Variants in LPP observed in about 807,000 individuals in gnomAD.
LPP encodes lipoma-preferred partner.
In LPP, 38 loss-of-function variants were observed where a neutral mutation model predicts 60.4. The ratio of observed to expected loss-of-function variants is 0.63; its 90% CI spans 0.49 to 0.83. The LOEUF is 0.83. LPP is among the 40% of genes least tolerant of loss of function. LPP has a pLI of 0.00. For missense variants in LPP, 902 were observed against 783.6 expected (o/e 1.15, Z -1.80); for synonymous variants, 328 against 290.8 (o/e 1.13, Z -1.30).
chr3:188,186,549 G>A (rs1022672351), intron 1 of LPP, among the ~76,000 whole-genome samples: 1 of 151,500 alleles, frequency 6.6e-6, no homozygotes, highest in African/African-American at 2.4e-5. Flanking sequence ...TCCTGCTGTT[G>A]GCAGTTAATC....
rs60252200 is a variant in LPP at position 188,650,367 on chromosome 3, C to G, written c.1113+40523C>G. Among the ~76,000 whole-genome samples the G allele has an allele frequency of 9.7e-3, 1,472 of 152,248 alleles. 27 individuals are homozygous for G. Among genetic ancestry groups the G allele is most frequent in the African/African-American group, 0.034 (1,398 of 41,536 alleles). ...ATCCCCTGTACTCATCATTTATTCC[C>G]TGATTTACTGCGTTTTATTCTGTAT... On this transcript the variant is annotated intron_variant, in intron 7 of 11. Coordinates refer to ENST00000617246, the MANE Select transcript of LPP (RefSeq NM_001375462.1).
At chr3:188,215,563 G>T (rs1033905932) in intron 1 of LPP, among the ~76,000 whole-genome samples, 1 of 152,142 alleles carries the variant, frequency 6.6e-6, no homozygotes, top group Non-Finnish European at 1.5e-5. Flanking sequence ...ATTTCACTAA[G>T]CGTAGTGTCC....
At chr3:188,238,075 C>G (rs371010374) in intron 2 of LPP, among the ~76,000 whole-genome samples, 1 of 152,252 alleles carries the variant, frequency 6.6e-6, no homozygotes, top group African/African-American at 2.4e-5. Flanking sequence ...TCCATCAGCA[C>G]TTACTGCTTT....
At chr3:188,428,625 A>G (rs1313020072) in intron 4 of LPP, among the ~76,000 whole-genome samples, 2 of 147,328 alleles carry the variant, frequency 1.4e-5, no homozygotes, top group African/African-American at 5.0e-5. Context: ...ATCCATTTTT[A>G]GAACTGCTAA....
intron 5 of LPP, among the ~76,000 whole-genome samples, chr3:188,523,204 T>C (rs766234664): frequency 1.3e-5 from 2 of 151,866 alleles, no homozygotes; most frequent in Non-Finnish European, 2.9e-5. Flanking sequence ...ACCGCGCCCG[T>C]CCTGAAATCC....
At chr3:188,801,128 A>G (rs1560222231) in intron 9 of LPP, among the ~76,000 whole-genome samples, 1 of 152,118 alleles carries the variant, frequency 6.6e-6, no homozygotes, top group Non-Finnish European at 1.5e-5. Context: ...CTTGAGATTA[A>G]ACAAAGGTTC....
At chr3:188,345,529 T>A (rs894551550) in intron 3 of LPP, among the ~76,000 whole-genome samples, 1 of 152,160 alleles carries the variant, frequency 6.6e-6, no homozygotes, top group South Asian at 2.1e-4. Flanking sequence ...GATGAGGGAT[T>A]TATAAGCAAG....
intron 7 of LPP, among the ~76,000 whole-genome samples, chr3:188,704,770 T>C (rs1865149710): frequency 1.3e-5 from 2 of 151,976 alleles, no homozygotes; most frequent in South Asian, 2.1e-4. Flanking sequence ...GTTGTTGTTG[T>C]TGTTGTTGTT....
chr3:188,240,412 A>G (rs1272932668), intron 2 of LPP, among the ~76,000 whole-genome samples: 1 of 151,610 alleles, frequency 6.6e-6, no homozygotes, highest in Non-Finnish European at 1.5e-5. Context: ...GTAAAGAGGA[A>G]CAAATGAAGA....
chr3:188,187,633 A>G (rs1726992518), intron 1 of LPP, among the ~76,000 whole-genome samples: 1 of 151,746 alleles, frequency 6.6e-6, no homozygotes, highest in Non-Finnish European at 1.5e-5. Context: ...TTTTTCTCTT[A>G]TTTTGGACTG....
At chr3:188,868,503 A>T (rs1387811110) in intron 10 of LPP, among the ~76,000 whole-genome samples, 1 of 152,244 alleles carries the variant, frequency 6.6e-6, no homozygotes, top group African/African-American at 2.4e-5. Flanking sequence ...ATGTTAAAAC[A>T]TAAATTAAAA....
intron 6 of LPP, among the ~76,000 whole-genome samples, chr3:188,558,958 C>CT (rs761150043): frequency 1.3e-5 from 2 of 152,092 alleles, no homozygotes; most frequent in Non-Finnish European, 2.9e-5. Context: ...AAGATCTTGA[C>CT]TTTTTTGTAT....
chr3:188,349,621 G>C (rs1053622402), intron 3 of LPP, among the ~76,000 whole-genome samples: 2 of 152,218 alleles, frequency 1.3e-5, no homozygotes, highest in African/African-American at 4.8e-5. Context: ...AACCTTTGCT[G>C]TAAGTAGCTT....
chr3:188,296,717 A>C (rs1392267941), intron 2 of LPP, among the ~76,000 whole-genome samples: 20 of 152,130 alleles, frequency 1.3e-4, no homozygotes, highest in Non-Finnish European at 8.8e-5. Context: ...AATGAAATTT[A>C]CCCTCTTCCT....
intron 1 of LPP, among the ~76,000 whole-genome samples, chr3:188,162,823 A>G (rs1718713252): frequency 6.6e-6 from 1 of 152,052 alleles, no homozygotes; most frequent in Non-Finnish European, 1.5e-5. Context: ...ATGACACCTT[A>G]CTGTGCTTGT....
chr3:188,734,279 C>T (rs1457500158), intron 8 of LPP, among the ~76,000 whole-genome samples: 1 of 152,058 alleles, frequency 6.6e-6, no homozygotes, highest in Non-Finnish European at 1.5e-5. Context: ...TATTCAGAAA[C>T]TTATTTCTAA....
chr3:188,728,890 G>A (rs937279920), intron 8 of LPP, among the ~76,000 whole-genome samples: 5 of 149,714 alleles, frequency 3.3e-5, no homozygotes, highest in Non-Finnish European at 7.4e-5. Flanking sequence ...AAAAAAAAAT[G>A]TACCATGAAC....
intron 9 of LPP, among the ~76,000 whole-genome samples, chr3:188,775,769 GA>G (rs1201648096): frequency 6.6e-6 from 1 of 152,192 alleles, no homozygotes; most frequent in Non-Finnish European, 1.5e-5. Context: ...ATGTAATTAA[GA>G]AGTGACAGGT....
intron 8 of LPP, among the ~76,000 whole-genome samples, chr3:188,753,076 C>T (rs1560156531): frequency 6.6e-6 from 1 of 152,138 alleles, no homozygotes; most frequent in Non-Finnish European, 1.5e-5. Flanking sequence ...TACATAGAAA[C>T]ATGTGCTGAT....
Sources: gnomAD v4.1 joint callset for allele counts (sites outside exome capture counted in the v4.1 genomes callset) on GRCh38, gnomAD v4.1.1 for gene constraint, MANE v1.5 for transcripts, NCBI Gene and HGNC (gene_info 2026-07-23, HGNC 2026-07-21) for gene names.